The following SLC13A3 variants were observed in gnomAD, a reference collection of about 807,000 sequenced individuals.
SLC13A3 encodes solute carrier family 13 member 3.
In SLC13A3, 40 loss-of-function variants were observed where a neutral mutation model predicts 59.0. That is an observed-to-expected ratio of 0.68 (90% confidence interval 0.53 to 0.88). The LOEUF is 0.88. Ranked by LOEUF, SLC13A3 falls within the 40% of genes least tolerant of loss-of-function variation. SLC13A3 has a pLI of 0.00. For missense variants in SLC13A3, 699 were observed against 783.2 expected (o/e 0.89, Z 1.28); for synonymous variants, 317 against 330.3 (o/e 0.96, Z 0.44).
chr20:46,583,262 T>C (rs185065670), intron 9 of SLC13A3: 11 of 626,866 alleles, frequency 1.8e-5, no homozygotes, highest in African/African-American at 1.2e-4. Context: ...CTTTCACATG[T>C]AGTAAAATGT....
At chr20:46,609,109 C>G (rs989752722) in intron 3 of SLC13A3, 4 of 1,532,958 alleles carry the variant, frequency 2.6e-6, no homozygotes, top group Non-Finnish European at 1.8e-6. Flanking sequence ...CCATTTCTGC[C>G]CACATATGTA....
intron 3 of SLC13A3, among the ~76,000 whole-genome samples, chr20:46,601,221 A>G (rs1329395484): frequency 6.6e-6 from 1 of 152,236 alleles, no homozygotes; most frequent in Non-Finnish European, 1.5e-5. Context: ...TTTACATTTT[A>G]TAAACAACTC....
chr20:46,592,649 G>A, intron 5 of SLC13A3, 120 bp from the exon 6 acceptor site: 1 of 995,630 alleles, frequency 1.0e-6, no homozygotes, highest in Non-Finnish European at 1.5e-6. Flanking sequence ...TCCCATGGAA[G>A]TCTTGGGAAC....
Position 46,596,325 on chromosome 20 carries a change from T to G in SLC13A3, c.626A>C (p.Glu209Ala). 1 of 1,614,052 alleles carries G rather than the reference T, an allele frequency of 6.2e-7. No homozygotes were observed. Among genetic ancestry groups the G allele is most frequent in the Non-Finnish European group, 8.5e-7 (1 of 1,179,968 alleles). Residue 209 changes from glutamate (E) to alanine (A), a missense_variant, in exon 5 of 13, where the codon GAG (glutamate) becomes GCG (alanine). Glu to Ala is a moderately radical substitution (Grantham distance 107). Coordinates refer to ENST00000279027, the MANE Select transcript of SLC13A3 (RefSeq NM_022829.6). ...ASTEAKDHPGETEVPLDLPAD... is the reference protein window; with the variant it reads ...ASTEAKDHPGATEVPLDLPAD... ...CGGCAGATCCAGTGGAACCTCTGTC[T>G]CCCCAGGGTGGTCTTTGCTTTAAAC...
chr20:46,633,099 A>G (rs958743431), intron 1 of SLC13A3, among the ~76,000 whole-genome samples: 2 of 152,096 alleles, frequency 1.3e-5, no homozygotes, highest in African/African-American at 4.8e-5. Flanking sequence ...GTTCATCCCA[A>G]TGATCCATAA....
chr20:46,638,324 T>A (rs1229711006), intron 1 of SLC13A3, among the ~76,000 whole-genome samples: 3 of 152,206 alleles, frequency 2.0e-5, no homozygotes, highest in African/African-American at 7.2e-5. Flanking sequence ...GGAAGAATGT[T>A]CCTTTGCTCT....
chr20:46,570,402 G>A (rs1375177326), intron 10 of SLC13A3, among the ~76,000 whole-genome samples: 5 of 152,156 alleles, frequency 3.3e-5, no homozygotes, highest in Non-Finnish European at 5.9e-5. Flanking sequence ...AGCCCATCAC[G>A]AATTGAGAAT....
chr20:46,583,417 C>G, intron 9 of SLC13A3, 155 bp downstream of exon 9: 2 of 1,428,472 alleles, frequency 1.4e-6, no homozygotes, highest in Non-Finnish European at 1.8e-6. Flanking sequence ...TGGGGCAGCC[C>G]TCAGTCCCCA....
At chr20:46,647,490 G>A (rs996218026) in intron 1 of SLC13A3, among the ~76,000 whole-genome samples, 5 of 152,098 alleles carry the variant, frequency 3.3e-5, no homozygotes, top group East Asian at 3.9e-4. Flanking sequence ...GGCCATTCTT[G>A]GAAAACGTTG....
chr20:46,618,214 G>A (rs923840909), intron 1 of SLC13A3, among the ~76,000 whole-genome samples: 2 of 151,468 alleles, frequency 1.3e-5, no homozygotes, highest in African/African-American at 4.9e-5. Context: ...CTAGACTGTA[G>A]TCCACCCCTC....
chr20:46,600,223 GGGGAGGGA>G (rs199694966), intron 3 of SLC13A3, among the ~76,000 whole-genome samples, 186 bp from the exon 4 acceptor site: 2 of 140,384 alleles, frequency 1.4e-5, no homozygotes, highest in Non-Finnish European at 3.1e-5. Context: ...AGGGAGAGAG[GGGGAGGGA>G]GGGAGGGAGA....
chr20:46,583,153 G>A, intron 9 of SLC13A3: 1 of 801,550 alleles, frequency 1.2e-6, no homozygotes, highest in Non-Finnish European at 1.5e-6. Flanking sequence ...TGAGGCTATT[G>A]TGTAGGTACT....
chr20:46,566,463 G>A, intron 10 of SLC13A3, 73 bp from the exon 11 acceptor site: 1 of 1,510,838 alleles, frequency 6.6e-7, no homozygotes, highest in Non-Finnish European at 9.0e-7. Flanking sequence ...GGTTAGGATA[G>A]ATCACAACAA....
At chr20:46,567,705 A>G (rs847067) in intron 10 of SLC13A3, among the ~76,000 whole-genome samples, 107,920 of 151,976 alleles carry the variant, frequency 0.71, 38,786 homozygotes, top group Non-Finnish European at 0.78. Context: ...AAGCTACCCT[A>G]TTTACCAGTG....
At position 46,599,961 on chromosome 20, in the gene SLC13A3, A is replaced by G. The variant is rs781129652; in HGVS notation, c.608+10T>C. The G allele has an allele frequency of 2.6e-6, 4 of 1,560,638 alleles. No homozygotes were observed. In the East Asian group the frequency reaches 9.3e-5, roughly 36 times the overall value. The stretch of plus-strand genomic sequence containing the variant: ...CACTGGGTCCTCTATGAATTTCACC[A>G]GTAACTTACGCTTCTGTGCTGGCGA... On this transcript the variant is annotated intron_variant, in intron 4 of 12. Transcript: ENST00000279027.
At chr20:46,603,551 T>A (rs1381240575) in intron 3 of SLC13A3, among the ~76,000 whole-genome samples, 2 of 126,098 alleles carry the variant, frequency 1.6e-5, no homozygotes, top group Non-Finnish European at 3.1e-5. Flanking sequence ...ATTGTTGTAT[T>A]TTTTTTTTTT....
At chr20:46,647,392 G>C (rs2062905795) in intron 1 of SLC13A3, among the ~76,000 whole-genome samples, 1 of 152,140 alleles carries the variant, frequency 6.6e-6, no homozygotes, top group Non-Finnish European at 1.5e-5. Context: ...AGTGGGGCTG[G>C]AGCTTATTTG....
chr20:46,651,174 G>T (rs1181122618), intron 1 of SLC13A3, 137 bp downstream of exon 1: 1 of 1,336,852 alleles, frequency 7.5e-7, no homozygotes, highest in African/African-American at 1.5e-5. Context: ...TCCGCGGCAG[G>T]TGCAAGGGAG....
rs143013579 is a variant in SLC13A3, at chr20:46,629,167, A to G, written c.112-15442T>C. On this transcript the variant is annotated intron_variant, in intron 1 of 12. Transcript: ENST00000279027. Reference sequence around the variant, plus strand: ...AAATATGCACATATTTTAAAAAAGAAGGCATCCTCTGAATACACAAGTGAT... The same window carrying G: ...AAATATGCACATATTTTAAAAAAGAGGGCATCCTCTGAATACACAAGTGAT... Among the ~76,000 whole-genome samples, 132 of 152,356 alleles carry G rather than the reference A, an allele frequency of 8.7e-4. 1 individual carries two copies. In the East Asian group the frequency reaches 0.02, roughly 23 times the overall value.
Sources: gnomAD v4.1 joint callset for allele counts (sites outside exome capture counted in the v4.1 genomes callset) on GRCh38, gnomAD v4.1.1 for gene constraint, MANE v1.5 for transcripts, NCBI Gene and HGNC (gene_info 2026-07-23, HGNC 2026-07-21) for gene names.